ATP8A1: variants seen among roughly 807,000 people sequenced by gnomAD.
ATP8A1 encodes ATPase phospholipid transporting 8A1, also known as phospholipid-transporting ATPase IA.
Under a neutral mutation model 177.7 loss-of-function variants are expected in ATP8A1, and 90 were observed. The observed-to-expected ratio is 0.51, with a 90% CI of 0.43 to 0.60. The LOEUF (loss-of-function observed/expected upper bound fraction) is 0.60. ATP8A1 is among the 20% of genes least tolerant of loss of function. The pLI is 0.00. For missense variants in ATP8A1, 1,072 were observed against 1,392.8 expected (o/e 0.77, Z 3.67); for synonymous variants, 493 against 485.9 (o/e 1.01, Z -0.19).
At chr4:42,483,169 C>T (rs964025433) in intron 25 of ATP8A1, among the ~76,000 whole-genome samples, 3 of 152,092 alleles carry the variant, frequency 2.0e-5, no homozygotes, top group African/African-American at 7.2e-5. Context: ...AGCAAAATGA[C>T]AAGAAGATGG....
intron 33 of ATP8A1, among the ~76,000 whole-genome samples, chr4:42,430,682 A>G (rs1373796020): frequency 6.6e-6 from 1 of 152,012 alleles, no homozygotes; most frequent in East Asian, 1.9e-4. Context: ...CTACGTGTCC[A>G]TGTGTTGTCA....
chr4:42,524,916 A>G, intron 20 of ATP8A1, 69 bp from the exon 21 acceptor site: 1 of 961,882 alleles, frequency 1.0e-6, no homozygotes, highest in African/African-American at 1.6e-5. Flanking sequence ...GATGTTGGTA[A>G]CAATAGCAGT....
intron 27 of ATP8A1, among the ~76,000 whole-genome samples, chr4:42,456,621 G>GC (rs1718514915): frequency 6.6e-6 from 1 of 152,082 alleles, no homozygotes; most frequent in African/African-American, 2.4e-5. Flanking sequence ...CTACGTTATT[G>GC]TTTTTAAAAA....
chr4:42,549,778 G>T (rs1405198616), intron 18 of ATP8A1, among the ~76,000 whole-genome samples: 1 of 151,878 alleles, frequency 6.6e-6, no homozygotes, highest in South Asian at 2.1e-4. Flanking sequence ...CAGCCTGGGT[G>T]ACAGAGCAAG....
Position 42,544,007 on chromosome 4 carries a change from A to G in ATP8A1, c.1653-21T>C, listed in dbSNP as rs971350927. Reference sequence around the variant, plus strand: ...TAGCACTGAAAGAAAGAGGTTTTGCATAATGTGTCATCATACCAAGGATAT... The same window carrying G: ...TAGCACTGAAAGAAAGAGGTTTTGCGTAATGTGTCATCATACCAAGGATAT... On this transcript the variant is annotated intron_variant, in intron 19 of 36. Coordinates refer to ENST00000381668, the MANE Select transcript of ATP8A1 (RefSeq NM_006095.2). 3.8e-6 allele frequency: 6 copies of G among 1,595,468 alleles called. No individual in the cohort carries two copies. In the African/African-American group the frequency reaches 6.7e-5, roughly 18 times the overall value.
intron 22 of ATP8A1, among the ~76,000 whole-genome samples, chr4:42,515,172 G>T (rs1725406942): frequency 6.6e-6 from 1 of 152,204 alleles, no homozygotes; most frequent in African/African-American, 2.4e-5. Flanking sequence ...AAAGTGGCAG[G>T]TCTAATTAAA....
At chr4:42,434,294 C>A (rs1414453514) in intron 33 of ATP8A1, among the ~76,000 whole-genome samples, 1 of 152,014 alleles carries the variant, frequency 6.6e-6, no homozygotes, top group Non-Finnish European at 1.5e-5. Flanking sequence ...CTTGTTACAC[C>A]ATTCTTACAG....
chr4:42,533,975 G>A (rs1377630798), intron 20 of ATP8A1, among the ~76,000 whole-genome samples: 2 of 152,122 alleles, frequency 1.3e-5, no homozygotes, highest in African/African-American at 2.4e-5. Flanking sequence ...GGAAGGGGGA[G>A]AACACCAAAT....
chr4:42,449,785 C>T (rs996798088), intron 30 of ATP8A1, among the ~76,000 whole-genome samples: 41 of 152,154 alleles, frequency 2.7e-4, no homozygotes, highest in Admixed American at 2.4e-3. Context: ...TGGAGAGCTG[C>T]GCAGCTTTCC....
intron 5 of ATP8A1, among the ~76,000 whole-genome samples, chr4:42,604,363 C>T (rs935397618): frequency 1.1e-4 from 16 of 152,150 alleles, no homozygotes; most frequent in African/African-American, 3.9e-4. Flanking sequence ...TTATAAGATC[C>T]ATGACAAGAG....
intron 24 of ATP8A1, among the ~76,000 whole-genome samples, chr4:42,490,218 T>G (rs1279875175): frequency 6.6e-6 from 1 of 152,222 alleles, no homozygotes; most frequent in Non-Finnish European, 1.5e-5. Context: ...CAGTGCTCAC[T>G]GGAAGCCCTT....
chr4:42,560,239 A>G (rs1041784982), intron 15 of ATP8A1, among the ~76,000 whole-genome samples: 13 of 152,300 alleles, frequency 8.5e-5, no homozygotes, highest in African/African-American at 3.1e-4. Flanking sequence ...TATAGAAGAG[A>G]TCGGTAAAGA....
At position 42,530,739 on chromosome 4, in the gene ATP8A1, G is replaced by A. The variant is rs139540135; in HGVS notation, c.1723-5892C>T. Among the ~76,000 whole-genome samples, 354 of 152,306 alleles carry A rather than the reference G, an allele frequency of 2.3e-3. 3 individuals carry two copies. Among genetic ancestry groups the A allele is most frequent in the Admixed American group, 7.5e-3 (115 of 15,304 alleles). ...CTAGGTGACAACACTTTGCAGGGCCGGAGCAAAGTTCTCCAGAAGGCCGTG... is the reference window on the plus strand; with the variant it reads ...CTAGGTGACAACACTTTGCAGGGCCAGAGCAAAGTTCTCCAGAAGGCCGTG... On this transcript the variant is annotated intron_variant, in intron 20 of 36. Transcript: ENST00000381668.
In ATP8A1 at chr4:42,537,147, C is replaced by A. The variant is rs370646475; in HGVS notation, c.1722+6770G>T. 1.1e-3 allele frequency among the ~76,000 whole-genome samples: 135 copies of A among 125,958 alleles called. 6 individuals carry two copies. In the South Asian group the frequency reaches 0.029, roughly 27 times the overall value. The allele number at this position is 125,958 out of a possible 152,430, so 82.6% of individuals were successfully genotyped here. A position where few individuals can be genotyped will look rare whatever the true frequency, so the allele number is the denominator to read the frequency against. On this transcript the variant is annotated intron_variant, in intron 20 of 36. Coordinates refer to ENST00000381668, the MANE Select transcript of ATP8A1 (RefSeq NM_006095.2). Reference sequence around the variant, plus strand: ...AACTCCGTCTCAAAAAAAAAAAAAACAAAAAAACCAAAAAAACCCCCACGT... The same window carrying A: ...AACTCCGTCTCAAAAAAAAAAAAAAAAAAAAAACCAAAAAAACCCCCACGT...
At chr4:42,545,439 A>G (rs918225658) in intron 19 of ATP8A1, among the ~76,000 whole-genome samples, 3 of 152,138 alleles carry the variant, frequency 2.0e-5, no homozygotes, top group Admixed American at 2.0e-4. Flanking sequence ...CTTTTGTGTT[A>G]CATCAAAGTA....
intron 25 of ATP8A1, among the ~76,000 whole-genome samples, chr4:42,484,341 GAAAAGA>G (rs1721992674): frequency 6.6e-6 from 1 of 152,004 alleles, no homozygotes; most frequent in South Asian, 2.1e-4. Context: ...ACATACCACA[GAAAAGA>G]AAAAGAAATT....
Position 42,455,376 on chromosome 4 carries a change from C to T in ATP8A1, c.2738G>A (p.Arg913Lys), listed in dbSNP as rs1354456582. 6.2e-7 allele frequency: 1 copy of T among 1,613,938 alleles called. No individual in the cohort carries two copies. Among genetic ancestry groups the T allele is most frequent in the East Asian group, 2.2e-5 (1 of 44,882 alleles). Residue 913 changes from arginine to lysine, a missense_variant, in exon 29 of 37, where the codon AGA (arginine) becomes AAA (lysine). Transcript: ENST00000381668. ...CAACATGTTCTCTTTTCTGCATGAT[C>T]TCTCAAATATTCCAAGAGTTAAAGG... ...MPPLTLGIFE[R>K]SCRKENMLKY...
chr4:42,426,394 T>C (rs966303994), intron 33 of ATP8A1, among the ~76,000 whole-genome samples: 3 of 152,182 alleles, frequency 2.0e-5, no homozygotes, highest in African/African-American at 4.8e-5. Context: ...CTCATGGAAA[T>C]GTATAGACAT....
At chr4:42,629,888 C>T (rs1199913046) in intron 1 of ATP8A1, among the ~76,000 whole-genome samples, 1 of 152,156 alleles carries the variant, frequency 6.6e-6, no homozygotes, top group Non-Finnish European at 1.5e-5. Context: ...CTGGACTTAA[C>T]GTAAGTAACC....
Sources: allele counts gnomAD v4.1 joint callset (sites outside exome capture counted in the v4.1 genomes callset), GRCh38; gene constraint gnomAD v4.1.1; transcripts MANE v1.5; gene names NCBI Gene and HGNC (gene_info 2026-07-23, HGNC 2026-07-21).